PSMD11: variants seen among roughly 807,000 people sequenced by gnomAD.
PSMD11 encodes 26S proteasome non-ATPase regulatory subunit 11.
PSMD11 carries 5 observed loss-of-function variants against 62.3 expected under a neutral mutation model. That is an observed-to-expected ratio of 0.08 (90% CI 0.04 to 0.17). The LOEUF (loss-of-function observed/expected upper bound fraction) is 0.17, where lower values mean the gene tolerates loss of function less well. Ranked by LOEUF, PSMD11 falls within the 10% of genes least tolerant of loss-of-function variation. The pLI, the probability that PSMD11 is intolerant of heterozygous loss-of-function variation, is 1.00. For missense variants in PSMD11, 310 were observed against 512.9 expected (o/e 0.60, Z 3.82); for synonymous variants, 191 against 191.8 (o/e 1.00, Z 0.03).
At chr17:32,458,451 C>T (rs1597834085) in intron 3 of PSMD11, among the ~76,000 whole-genome samples, 1 of 152,328 alleles carries the variant, frequency 6.6e-6, no homozygotes, top group East Asian at 1.9e-4. Context: ...ATAGTCTTAT[C>T]TCAAGTTCTA....
At position 32,479,297 on chromosome 17, in the gene PSMD11, G is replaced by C; in HGVS notation, c.959G>C (p.Ser320Thr). 2 of 1,614,214 alleles carry C rather than the reference G, an allele frequency of 1.2e-6. No individual in the cohort carries two copies. Among genetic ancestry groups the C allele is most frequent in the Non-Finnish European group, 1.7e-6 (2 of 1,180,030 alleles). Residue 320 changes from serine (S) to threonine (T), a missense_variant, in exon 10 of 14, where the codon AGC becomes ACC. Physicochemically the swap from Ser to Thr is moderately conservative, Grantham distance 58 (BLOSUM62 1). Transcript: ENST00000261712. ...GAGCTCCGGGATGACCCAATCATCA[G>C]CACACACTTGGCCAAGTTGTATGAT... is the stretch of plus-strand genomic sequence containing the variant. The part of the protein sequence containing the change: ...RAELRDDPII[S>T]THLAKLYDNL...
chr17:32,453,114 A>C (rs566210773), intron 2 of PSMD11, among the ~76,000 whole-genome samples: 7 of 152,372 alleles, frequency 4.6e-5, no homozygotes, highest in Admixed American at 3.3e-4. Flanking sequence ...AATCATTCAG[A>C]ATTGTTCAGG....
intron 3 of PSMD11, among the ~76,000 whole-genome samples, chr17:32,463,654 C>A (rs1310633018): frequency 2.0e-5 from 3 of 152,104 alleles, no homozygotes; most frequent in Admixed American, 2.0e-4. Context: ...AGAATTTCTC[C>A]CCTTTATTAC....
intron 1 of PSMD11, 25 bp downstream of exon 1, chr17:32,444,639 C>T (rs375491079): frequency 6.4e-4 from 1,035 of 1,609,536 alleles, no homozygotes; most frequent in Non-Finnish European, 7.9e-4. Flanking sequence ...GCCGCCTCCC[C>T]GGCCCCGCCG....
chr17:32,468,248 GAT>G (rs1314883408), intron 5 of PSMD11, among the ~76,000 whole-genome samples: 2 of 152,062 alleles, frequency 1.3e-5, no homozygotes, highest in African/African-American at 4.8e-5. Context: ...TCCCTTACCA[GAT>G]ACATGATTTG....
Position 32,479,776 on chromosome 17 carries a change from C to T in PSMD11, c.1039-75C>T. ...TTTTGAGAAATACAGCAGTTCTCCC[C>T]CTGTTCCCTCCCTTCTCTTATTGGA... On this transcript the variant is annotated intron_variant, in intron 10 of 13. Transcript: ENST00000261712. 10 of 1,510,408 alleles carry T rather than the reference C, an allele frequency of 6.6e-6. 1 individual carries two copies. In the South Asian group the frequency reaches 1.1e-4, roughly 17 times the overall value. 93.6% of individuals were successfully genotyped at this position (1,510,408 alleles called of 1,614,324 possible). A position where few individuals can be genotyped will look rare whatever the true frequency, so the allele number is the denominator to read the frequency against.
chr17:32,479,802 G>A, intron 10 of PSMD11, 49 bp from the exon 11 acceptor site: 1 of 1,585,286 alleles, frequency 6.3e-7, no homozygotes, highest in South Asian at 1.1e-5. Context: ...TCTTATTGGA[G>A]GCAAAAGTAA....
At chr17:32,459,378 C>T (rs562868068) in intron 3 of PSMD11, among the ~76,000 whole-genome samples, 44 of 151,798 alleles carry the variant, frequency 2.9e-4, no homozygotes, top group African/African-American at 1.1e-3. Context: ...ACCACGACGC[C>T]TGGCTAATTT....
intron 4 of PSMD11, 137 bp downstream of exon 4, chr17:32,464,257 C>A: frequency 1.1e-6 from 1 of 896,216 alleles, no homozygotes; most frequent in Non-Finnish European, 1.8e-6. Flanking sequence ...GATGGTAGCC[C>A]CACTTATGAT....
intron 1 of PSMD11, chr17:32,444,909 T>C (rs959624689): frequency 2.1e-6 from 1 of 476,936 alleles, no homozygotes; most frequent in Non-Finnish European, 3.7e-6. Flanking sequence ...TCCCTAGCCA[T>C]GTCCCCGGCT....
At chr17:32,453,390 G>T (rs572199455) in intron 2 of PSMD11, among the ~76,000 whole-genome samples, 4 of 152,208 alleles carry the variant, frequency 2.6e-5, no homozygotes, top group African/African-American at 9.6e-5. Flanking sequence ...CTGTAGTCTT[G>T]TGCAGAGGTG....
rs369783469 is a variant in PSMD11 at position 32,479,833 on chromosome 17, C to T, written c.1039-18C>T. On this transcript the variant is annotated intron_variant, in intron 10 of 13. Coordinates refer to ENST00000261712, the MANE Select transcript of PSMD11 (RefSeq NM_002815.4). ...AGTAAAACTTTCAGTGTTGGTGTCT[C>T]TCTGCCTTTCCTTTTAGATTGAACA... 13 of 1,612,626 alleles carry T rather than the reference C, an allele frequency of 8.1e-6. No individual in the cohort carries two copies. The highest frequency in any genetic ancestry group is 1.1e-5 in the Non-Finnish European group (13 of 1,178,776).
rs34280753 is a variant in PSMD11 at position 32,481,505 on chromosome 17, CTT to C, written c.*767_*768del. On this transcript the variant is annotated 3_prime_UTR_variant, in exon 14 of 14. Transcript: ENST00000261712. The stretch of plus-strand genomic sequence containing the variant: ...CCCAAGGGGCCTGCTATGCATGTGG[CTT>C]TTTTTTTTTTTTTAAACACAGTAAA... The C allele has an allele frequency of 2.1e-3, 301 of 145,014 alleles. 1 individual carries two copies. Among genetic ancestry groups the C allele is most frequent in the Middle Eastern group, 3.6e-3 (1 of 280 alleles). 9.0% of individuals were successfully genotyped at this position (145,014 alleles called of 1,614,324 possible). A position where few individuals can be genotyped will look rare whatever the true frequency, so the allele number is the denominator to read the frequency against.
chr17:32,466,378 T>C (rs983211428), intron 5 of PSMD11, among the ~76,000 whole-genome samples: 1 of 152,218 alleles, frequency 6.6e-6, no homozygotes, highest in Non-Finnish European at 1.5e-5. Context: ...TGTATCTTTG[T>C]AGATTTGTCT....
intron 6 of PSMD11, among the ~76,000 whole-genome samples, chr17:32,473,161 A>AC (rs895596701): frequency 6.6e-6 from 1 of 151,612 alleles, no homozygotes; most frequent in Non-Finnish European, 1.5e-5. Context: ...CGGCTCAAAA[A>AC]AAAAAATAAA....
intron 3 of PSMD11, among the ~76,000 whole-genome samples, chr17:32,459,924 G>T (rs1223557779): frequency 6.6e-6 from 1 of 152,112 alleles, no homozygotes; most frequent in Non-Finnish European, 1.5e-5. Context: ...ACCACACCCG[G>T]CCTTGTTCTT....
Position 32,458,400 on chromosome 17 carries a change from G to C in PSMD11, c.318+3781G>C, listed in dbSNP as rs113078879. Among the ~76,000 whole-genome samples the C allele has an allele frequency of 5.9e-3, 901 of 152,232 alleles. 7 individuals carry two copies. The highest frequency in any genetic ancestry group is 8.1e-3 in the Non-Finnish European group (550 of 67,990). ...CATGTTGGATCCCTGGCTGTTTGCT[G>C]AACAAGCCTGTATAACCCTCATGCT... On this transcript the variant is annotated intron_variant, in intron 3 of 13. Transcript: ENST00000261712.
chr17:32,444,645 C>CGCCGGCCCA (rs1567849950), intron 1 of PSMD11, 31 bp downstream of exon 1: 1 of 1,609,744 alleles, frequency 6.2e-7, no homozygotes, highest in Non-Finnish European at 8.5e-7. Context: ...TCCCCGGCCC[C>CGCCGGCCCA]GCCGGCCCAG....
At chr17:32,466,253 T>G (rs887683089) in intron 5 of PSMD11, among the ~76,000 whole-genome samples, 1 of 152,164 alleles carries the variant, frequency 6.6e-6, no homozygotes, top group African/African-American at 2.4e-5. Context: ...TGCCTTGGCC[T>G]CCCAAAGTAC....
Sources: gnomAD v4.1 joint callset for allele counts (sites outside exome capture counted in the v4.1 genomes callset) on GRCh38, gnomAD v4.1.1 for gene constraint, MANE v1.5 for transcripts, NCBI Gene and HGNC (gene_info 2026-07-23, HGNC 2026-07-21) for gene names.